The following NRG4 variants were observed in gnomAD, a reference collection of about 807,000 sequenced individuals.
The protein encoded by NRG4 is neuregulin 4, also known as pro-neuregulin-4, membrane-bound isoform.
Under a neutral mutation model 15.0 loss-of-function variants are expected in NRG4, and 10 were observed. The ratio of observed to expected loss-of-function variants is 0.67; its 90% CI spans 0.41 to 1.13. NRG4 has a LOEUF of 1.13. NRG4 is among the 50% of genes most tolerant of loss of function. The pLI is 0.00. For missense variants in NRG4, 139 were observed against 140.2 expected, an observed-to-expected ratio of 0.99 and a Z score of 0.04; for synonymous variants, 41 against 50.1, an observed-to-expected ratio of 0.82 and a Z score of 0.77.
intron 3 of NRG4, among the ~76,000 whole-genome samples, chr15:75,990,671 G>GTTTTT (rs374504639): frequency 7.7e-5 from 10 of 130,608 alleles, no homozygotes; most frequent in African/African-American, 1.5e-4. Flanking sequence ...GTTGGTAATT[G>GTTTTT]TTTTTTTTTT....
intron 3 of NRG4, among the ~76,000 whole-genome samples, chr15:75,976,875 G>A (rs1269835071): frequency 3.3e-5 from 5 of 152,204 alleles, no homozygotes; most frequent in African/African-American, 4.8e-5. Context: ...GAGATCTGCT[G>A]CTCTCTTCAG....
chr15:76,009,181 C>T lies in NRG4; in HGVS notation c.104+19G>A. On this transcript the variant is annotated intron_variant, in intron 3 of 5. Transcript: ENST00000394907. ...ATAAAAAATAAAGTTAACATCTCCC[C>T]CTAGTCCATTTCACTCACCTACAAA... The T allele has an allele frequency of 1.7e-6, 2 of 1,149,722 alleles. No individual in the cohort carries two copies. Among genetic ancestry groups the T allele is most frequent in the Non-Finnish European group, 2.6e-6 (2 of 755,618 alleles). 71.2% of individuals were successfully genotyped at this position (1,149,722 alleles called of 1,614,324 possible).
Position 75,977,455 on chromosome 15 carries a change from C to A in NRG4, c.105-15481G>T, listed in dbSNP as rs189042541. On this transcript the variant is annotated intron_variant, in intron 3 of 5. Transcript: ENST00000394907. This position sits in a 1 kb window ranked among gnomAD's most constrained non-coding sequence, Gnocchi z 4.9. Reference sequence around the variant, plus strand: ...ATCCAGGGCCCTGGTGGTGTAGGCACCCGAGGGAATCTCCTGGTCTGCGGG... The same window carrying A: ...ATCCAGGGCCCTGGTGGTGTAGGCAACCGAGGGAATCTCCTGGTCTGCGGG... Among the ~76,000 whole-genome samples, 81 of 152,290 alleles carry A rather than the reference C, an allele frequency of 5.3e-4. No homozygotes were observed. The highest frequency in any genetic ancestry group is 5.2e-3 in the Admixed American group (80 of 15,296).
At chr15:75,983,006 G>A (rs2033662347) in intron 3 of NRG4, among the ~76,000 whole-genome samples, 1 of 152,118 alleles carries the variant, frequency 6.6e-6, no homozygotes, top group Admixed American at 6.5e-5. Flanking sequence ...AGGAAACCAT[G>A]CTTATCAGAA....
rs1374945876 is a variant in NRG4 at position 76,044,398 on chromosome 15, A to G, written c.-105+7669T>C. Among the ~76,000 whole-genome samples, 3 of 151,056 alleles carry G rather than the reference A, an allele frequency of 2.0e-5. No homozygotes were observed. In the South Asian group the frequency reaches 6.2e-4, roughly 31 times the overall value. ...CTGGGAAAACTGGATATCCATATGC[A>G]GAAGAATGAAACTCGACCCCTATCT... On this transcript the variant is annotated intron_variant, in intron 4 of 8. Coordinates refer to the NRG4 transcript ENST00000563910.
Position 76,011,268 on chromosome 15 carries a change from T to C in NRG4, c.-38A>G, listed in dbSNP as rs754431556. 2.8e-6 allele frequency: 4 copies of C among 1,422,002 alleles called. No homozygotes were observed. The South Asian group carries it at 7.2e-5, about 26-fold the overall frequency. 88.1% of individuals were successfully genotyped at this position (1,422,002 alleles called of 1,614,324 possible). On this transcript the variant is annotated 5_prime_UTR_variant, in exon 2 of 6. Coordinates refer to ENST00000394907, the MANE Select transcript of NRG4 (RefSeq NM_138573.4). ...ATAGTTTCATTCTTGGTCAAGAGAG[T>C]AGGGTTGAAAAACAGTACCTAAAAC...
At chr15:76,025,252 A>G (rs1009327622) in intron 5 of NRG4, among the ~76,000 whole-genome samples, 6 of 151,972 alleles carry the variant, frequency 3.9e-5, no homozygotes, top group Non-Finnish European at 5.9e-5. Flanking sequence ...ATCCTGGCTA[A>G]CACGGTGAAA....
intron 4 of NRG4, among the ~76,000 whole-genome samples, chr15:76,040,728 C>G (rs112992698): frequency 0.014 from 2,079 of 152,252 alleles, 57 homozygotes; most frequent in African/African-American, 0.047. Context: ...AGTTCGAGAC[C>G]AGCCTGGCCA....
chr15:75,994,694 C>T (rs1342717508), intron 3 of NRG4, among the ~76,000 whole-genome samples: 1 of 152,194 alleles, frequency 6.6e-6, no homozygotes, highest in Admixed American at 6.5e-5. Context: ...ATTTAAAAAT[C>T]TATGTGCTTT....
chr15:75,986,804 A>AT (rs2033816400), intron 3 of NRG4, among the ~76,000 whole-genome samples: 2 of 152,134 alleles, frequency 1.3e-5, no homozygotes, highest in African/African-American at 2.4e-5. Context: ...CAAAAATCAG[A>AT]TTAAGGATAT....
chr15:76,025,304 T>C (rs1026730577), intron 5 of NRG4, among the ~76,000 whole-genome samples: 1 of 152,016 alleles, frequency 6.6e-6, no homozygotes, highest in Non-Finnish European at 1.5e-5. Flanking sequence ...CTGGGCGTGG[T>C]GGCGGGCGCT....
At chr15:76,024,991 C>A (rs1159941019) in intron 5 of NRG4, among the ~76,000 whole-genome samples, 1 of 152,066 alleles carries the variant, frequency 6.6e-6, no homozygotes, top group Non-Finnish European at 1.5e-5. Context: ...ACAACAACAA[C>A]AAAAACATAG....
intron 5 of NRG4, among the ~76,000 whole-genome samples, chr15:75,955,583 G>C (rs1285115598): frequency 2.0e-5 from 3 of 152,058 alleles, no homozygotes. Context: ...CCAAAGATTT[G>C]CTGATCTTTA....
Position 75,941,005 on chromosome 15 carries a change from A to G in NRG4, c.*2633T>C, listed in dbSNP as rs779900370. 3.3e-4 allele frequency: 51 copies of G among 152,292 alleles called. No individual in the cohort carries two copies. Among genetic ancestry groups the G allele is most frequent in the Admixed American group, 9.1e-4 (14 of 15,306 alleles). The allele number at this position is 152,292 out of a possible 1,614,324, so 9.4% of individuals were successfully genotyped here. A position where few individuals can be genotyped will look rare whatever the true frequency, so the allele number is the denominator to read the frequency against. ...TATCAACAGAGTAAAAAGATTACCTATGGAGTGGGAGGAAATAATATGCAG... is the reference window on the plus strand; with the variant it reads ...TATCAACAGAGTAAAAAGATTACCTGTGGAGTGGGAGGAAATAATATGCAG... On this transcript the variant is annotated 3_prime_UTR_variant, in exon 6 of 6. Transcript: ENST00000394907.
chr15:75,990,419 G>A (rs984839808), intron 3 of NRG4, among the ~76,000 whole-genome samples: 2 of 152,060 alleles, frequency 1.3e-5, no homozygotes, highest in Non-Finnish European at 2.9e-5. Flanking sequence ...AAGATTAGAG[G>A]GATCTCTAAG....
chr15:75,960,017 C>A (rs2032438849), intron 4 of NRG4, among the ~76,000 whole-genome samples: 1 of 152,130 alleles, frequency 6.6e-6, no homozygotes, highest in Non-Finnish European at 1.5e-5. Context: ...ATACTAATTA[C>A]CTACAATAAG....
chr15:76,056,053 G>A (rs915517804), intron 2 of NRG4, among the ~76,000 whole-genome samples: 1 of 152,160 alleles, frequency 6.6e-6, no homozygotes, highest in African/African-American at 2.4e-5. Context: ...AGCCTACTGA[G>A]TCCATGGTAT....
At chr15:75,978,257 T>C (rs1470281089) in intron 3 of NRG4, among the ~76,000 whole-genome samples, 3 of 152,202 alleles carry the variant, frequency 2.0e-5, no homozygotes, top group Non-Finnish European at 4.4e-5. Context: ...CTCCCTGAGA[T>C]CAATATTTTT....
At chr15:75,955,254 C>G (rs1436125455) in intron 5 of NRG4, among the ~76,000 whole-genome samples, 1 of 152,096 alleles carries the variant, frequency 6.6e-6, no homozygotes, top group Non-Finnish European at 1.5e-5. Context: ...GGACTCTTAG[C>G]TCCATCTTCT....
Sources: gnomAD v4.1 joint callset for allele counts (sites outside exome capture counted in the v4.1 genomes callset) on GRCh38, gnomAD v4.1.1 for gene constraint, Gnocchi (gnomAD v3.1) non-coding constraint, MANE v1.5 for transcripts, NCBI Gene and HGNC (gene_info 2026-07-23, HGNC 2026-07-21) for gene names.